CDK10: variants seen among roughly 807,000 people sequenced by gnomAD.
CDK10 encodes the protein cyclin-dependent kinase 10.
CDK10 carries 55 observed loss-of-function variants against 51.0 expected under a neutral mutation model. That is an observed-to-expected ratio of 1.08 (90% CI 0.87 to 1.35). CDK10 has a LOEUF of 1.35. Among genes scored for constraint, CDK10 ranks in the 40% most tolerant of loss-of-function variants. CDK10 has a pLI of 0.00. For missense variants in CDK10, 589 were observed against 485.1 expected (o/e 1.21, Z -2.01); for synonymous variants, 255 against 199.1 (o/e 1.28, Z -2.36).
In CDK10 at chr16:89,690,591, C is replaced by G; in HGVS notation, c.199C>G (p.Leu67Val). ...RDTQTDEIVA[L>V]KKVRMDKEKD... ...CACCCAGACAGATGAGATTGTCGCACTGAAGAAGGTGCGGATGGACAAGGA... is the reference window on the plus strand; with the variant it reads ...CACCCAGACAGATGAGATTGTCGCAGTGAAGAAGGTGCGGATGGACAAGGA... Residue 67 changes from leucine to valine, a missense_variant, in exon 3 of 13, where the codon CTG becomes GTG. Transcript: ENST00000353379. The G allele has an allele frequency of 1.2e-6, 2 of 1,614,098 alleles. No individual in the cohort carries two copies. The highest frequency in any genetic ancestry group is 1.7e-6 in the Non-Finnish European group (2 of 1,180,014).
At chr16:89,691,671 C>T (rs1300555406) in intron 4 of CDK10, 126 bp downstream of exon 4, 7 of 1,201,584 alleles carry the variant, frequency 5.8e-6, no homozygotes, top group Non-Finnish European at 8.6e-6. Context: ...GACCCCACCT[C>T]ACCGCCTGGC....
rs147512172 is a variant in CDK10 at position 89,694,177 on chromosome 16, C to T, written c.613C>T (p.Arg205Ter). The T allele has an allele frequency of 3.7e-5, 60 of 1,613,800 alleles. No individual in the cohort carries two copies. Among genetic ancestry groups the T allele is most frequent in the Non-Finnish European group, 4.5e-5 (53 of 1,179,944 alleles). The change falls in exon 9 of 13, where the codon CGA becomes TGA. Residue 205 changes from arginine (R) to a stop codon, truncating the protein, a stop_gained. Transcript: ENST00000353379. LOFTEE classifies it high-confidence loss of function. ...GGTGGGTGCTTCTGTGTGTAGGTAC[C>T]GAGCCCCTGAACTGCTGTTGGGAAC... ...MTPKVVTLWY[R>*]APELLLGTTT...
chr16:89,695,707 C>A lies in CDK10; in HGVS notation c.*15C>A, dbSNP rs1310613409. 1 of 1,591,232 alleles carries A rather than the reference C, an allele frequency of 6.3e-7. No individual in the cohort carries two copies. Among genetic ancestry groups the A allele is most frequent in the South Asian group, 1.1e-5 (1 of 88,042 alleles). ...GTAAACCCTGACGGTGGGCCTGGCA[C>A]ACGCCTGTATTCCCACACCAGGTCT... On this transcript the variant is annotated 3_prime_UTR_variant, in exon 13 of 13. Coordinates refer to ENST00000353379, the MANE Select transcript of CDK10 (RefSeq NM_052988.5).
Position 89,686,782 on chromosome 16 carries a change from G to A in CDK10, c.72G>A (p.Val24=), listed in dbSNP as rs2060204028. The change falls in exon 1 of 13, where the codon GTG becomes GTA. Residue 24 remains valine, a synonymous_variant. Coordinates refer to ENST00000353379, the MANE Select transcript of CDK10 (RefSeq NM_052988.5). The part of the protein sequence containing the change: ...KCIRKEGFFT[V]PPEHRLGRCR... The stretch of plus-strand genomic sequence containing the variant: ...TTCGTAAGGAGGGCTTCTTCACGGT[G>A]CCTCCGGAACACAGGGTGCGCGGGG... 1.9e-6 allele frequency: 3 copies of A among 1,612,002 alleles called. No homozygotes were observed. The highest frequency in any genetic ancestry group is 1.7e-5 in the Admixed American group (1 of 59,886).
At chr16:89,691,387 T>C (rs1443830524) in intron 3 of CDK10, 56 bp from the exon 4 acceptor site, 3 of 1,347,196 alleles carry the variant, frequency 2.2e-6, no homozygotes, top group Non-Finnish European at 3.1e-6. Flanking sequence ...TGGCTGGGGT[T>C]GGGGCTTCCC....
chr16:89,694,914 G>C lies in CDK10; in HGVS notation c.793-17G>C. On this transcript the variant is annotated splice_polypyrimidine_tract_variant and intron_variant, in intron 10 of 12. Coordinates refer to ENST00000353379, the MANE Select transcript of CDK10 (RefSeq NM_052988.5). ...CCGTGCCCACGCCCTCTGCGCCTCA[G>C]CTCCTGCCTCCCATAGGGCTTTTCC... 1 of 1,609,700 alleles carries C rather than the reference G, an allele frequency of 6.2e-7. No individual in the cohort carries two copies. Among genetic ancestry groups the C allele is most frequent in the Non-Finnish European group, 8.5e-7 (1 of 1,178,878 alleles).
rs201210208 is a variant in CDK10 at position 89,695,658 on chromosome 16, C to T, written c.1049C>T (p.Thr350Ile). The T allele has an allele frequency of 3.7e-5, 60 of 1,603,012 alleles. No homozygotes were observed. The highest frequency in any genetic ancestry group is 8.4e-5 in the Admixed American group (5 of 59,268). ...HHRNKRAAPA[T>I]SEGQSKRCKP ...CGCAACAAGCGGGCCGCCCCAGCCA[C>T]CTCCGAGGGCCAGAGCAAGCGCTGT... Residue 350 changes from threonine (T) to isoleucine (I), a missense_variant, in exon 13 of 13, where the codon ACC becomes ATC. Thr to Ile is a moderately conservative substitution (Grantham distance 89). Transcript: ENST00000353379.
intron 8 of CDK10, 78 bp from the exon 9 acceptor site, chr16:89,694,095 C>T (rs909206623): frequency 1.1e-5 from 16 of 1,442,710 alleles, no homozygotes; most frequent in Admixed American, 6.7e-5. Flanking sequence ...CACAGGCTCT[C>T]GGGGAGGCTG....
chr16:89,690,764 C>T (rs1243254428), intron 3 of CDK10, 140 bp downstream of exon 3: 2 of 738,756 alleles, frequency 2.7e-6, no homozygotes, highest in Non-Finnish European at 4.9e-6. Context: ...TGGCCCAGCA[C>T]ATCACCCCCA....
Position 89,694,202 on chromosome 16 carries a change from C to T in CDK10, c.638C>T (p.Thr213Ile), listed in dbSNP as rs372466549. The T allele has an allele frequency of 1.2e-4, 194 of 1,614,012 alleles. 4 individuals carry two copies. The South Asian group carries it at 2.0e-3, about 17-fold the overall frequency. The stretch of plus-strand genomic sequence containing the variant: ...CGAGCCCCTGAACTGCTGTTGGGAA[C>T]CACCACGCAGACCACCAGCATCGAC... ...WYRAPELLLGTTTQTTSIDMW... is the reference protein window; with the variant it reads ...WYRAPELLLGITTQTTSIDMW... Residue 213 changes from threonine (T) to isoleucine (I), a missense_variant, in exon 9 of 13, where the codon ACC becomes ATC. Transcript: ENST00000353379.
chr16:89,693,550 C>CAACT lies in CDK10; in HGVS notation c.608+84_608+87dup. Reference sequence around the variant, plus strand: ...CCTTGGGGATGTCAGGCCGAAGCTGCAACTGGCCTTGGGAATGTTAAGCTA... The same window carrying CAACT: ...CCTTGGGGATGTCAGGCCGAAGCTGCAACTAACTGGCCTTGGGAATGTTAAGCTA... On this transcript the variant is annotated intron_variant, in intron 8 of 12. Coordinates refer to ENST00000353379, the MANE Select transcript of CDK10 (RefSeq NM_052988.5). 5 of 1,382,934 alleles carry CAACT rather than the reference C, an allele frequency of 3.6e-6. No homozygotes were observed. The Admixed American group carries it at 7.0e-5, about 19-fold the overall frequency. The allele number at this position is 1,382,934 out of a possible 1,614,324, so 85.7% of individuals were successfully genotyped here. A position where few individuals can be genotyped will look rare whatever the true frequency, so the allele number is the denominator to read the frequency against.
Position 89,693,389 on chromosome 16 carries a change from CT to C in CDK10, c.539-8del, listed in dbSNP as rs766320815. 1.2e-6 allele frequency: 2 copies of C among 1,614,198 alleles called. No individual in the cohort carries two copies. The highest frequency in any genetic ancestry group is 2.2e-5 in the South Asian group (2 of 91,080). ...CACTTGGTGACACACACTCCCCTCTCTGCTGCAGCGGATTTCGGCCTGGCCC... is the reference window on the plus strand; with the variant it reads ...CACTTGGTGACACACACTCCCCTCTCGCTGCAGCGGATTTCGGCCTGGCCC... On this transcript the variant is annotated splice_polypyrimidine_tract_variant and splice_region_variant and intron_variant, in intron 7 of 12. Coordinates refer to ENST00000353379, the MANE Select transcript of CDK10 (RefSeq NM_052988.5).
In CDK10 at chr16:89,694,947, C is replaced by A. The variant is rs1455607900; in HGVS notation, c.809C>A (p.Pro270Gln). ...ENIWPGFSKL[P>Q]LVGQYSLRKQ... ...CTCCCATAGGGCTTTTCCAAGCTGC[C>A]ACTGGTCGGCCAGTACAGCCTCCGG... The change falls in exon 11 of 13, where the codon CCA (proline) becomes CAA (glutamine). Residue 270 changes from proline (P) to glutamine (Q), a missense_variant. Coordinates refer to ENST00000353379, the MANE Select transcript of CDK10 (RefSeq NM_052988.5). 1 of 1,613,032 alleles carries A rather than the reference C, an allele frequency of 6.2e-7. No homozygotes were observed. Among genetic ancestry groups the A allele is most frequent in the Non-Finnish European group, 8.5e-7 (1 of 1,180,022 alleles).
At chr16:89,693,670 C>T (rs560495000) in intron 8 of CDK10, 28 of 604,144 alleles carry the variant, frequency 4.6e-5, no homozygotes, top group African/African-American at 2.4e-4. Context: ...GGCTCAGTGG[C>T]GTCAAGGGCC....
chr16:89,695,654 G>T lies in CDK10; in HGVS notation c.1045G>T (p.Ala349Ser). The change falls in exon 13 of 13, where the codon GCC becomes TCC. Residue 349 changes from alanine (A) to serine (S), a missense_variant. Ala to Ser is a moderately conservative substitution (Grantham distance 99). Coordinates refer to ENST00000353379, the MANE Select transcript of CDK10 (RefSeq NM_052988.5). ...CCACCGCAACAAGCGGGCCGCCCCAGCCACCTCCGAGGGCCAGAGCAAGCG... is the reference window on the plus strand; with the variant it reads ...CCACCGCAACAAGCGGGCCGCCCCATCCACCTCCGAGGGCCAGAGCAAGCG... ...PHHRNKRAAP[A>S]TSEGQSKRCK... 1 of 1,603,926 alleles carries T rather than the reference G, an allele frequency of 6.2e-7. No homozygotes were observed. Among genetic ancestry groups the T allele is most frequent in the Non-Finnish European group, 8.5e-7 (1 of 1,176,992 alleles).
chr16:89,690,384 G>A (rs1477519053), intron 2 of CDK10, 169 bp from the exon 3 acceptor site: 6 of 638,394 alleles, frequency 9.4e-6, no homozygotes, highest in African/African-American at 3.6e-5. Context: ...GGGGGAACGC[G>A]TCTCGGGCTA....
rs977440563 is a variant in CDK10 at position 89,689,259 on chromosome 16, G to A, written c.95G>A (p.Arg32Gln). ...FTVPPEHRLG[R>Q]CRSVKEFEKL... ...AACACCCTTCTGTTTCAGCTGGGACGATGCCGGAGTGTGAAGGAGTTTGAG... is the reference window on the plus strand; with the variant it reads ...AACACCCTTCTGTTTCAGCTGGGACAATGCCGGAGTGTGAAGGAGTTTGAG... Residue 32 changes from arginine (R) to glutamine (Q), a missense_variant, in exon 2 of 13, where the codon CGA becomes CAA. Transcript: ENST00000353379. The A allele has an allele frequency of 1.9e-6, 3 of 1,614,094 alleles. No individual in the cohort carries two copies. Among genetic ancestry groups the A allele is most frequent in the Middle Eastern group, 1.7e-4 (1 of 6,060 alleles).
In CDK10 at chr16:89,690,528, C is replaced by T. The variant is rs201177320; in HGVS notation, c.161-25C>T. Reference sequence around the variant, plus strand: ...CCCACGAGGGGCATCGAGATGATGTCATCACCAATGTGTTTCCATTCCAGA... The same window carrying T: ...CCCACGAGGGGCATCGAGATGATGTTATCACCAATGTGTTTCCATTCCAGA... On this transcript the variant is annotated intron_variant, in intron 2 of 12. Transcript: ENST00000353379. 1.1e-5 allele frequency: 18 copies of T among 1,608,446 alleles called. No individual in the cohort carries two copies. In the African/African-American group the frequency reaches 1.9e-4, roughly 17 times the overall value.
At chr16:89,689,534 A>C (rs1211739127) in intron 2 of CDK10, 1 of 576,056 alleles carries the variant, frequency 1.7e-6, no homozygotes, top group African/African-American at 1.9e-5. Context: ...TCCGGTTGCT[A>C]ATGCCCATAA....
Sources: allele counts gnomAD v4.1 joint callset, GRCh38; gene constraint gnomAD v4.1.1; transcripts MANE v1.5; gene names NCBI Gene and HGNC (gene_info 2026-07-23, HGNC 2026-07-21).